The following ERGIC2 variants were observed in gnomAD, a reference collection of about 807,000 sequenced individuals.
ERGIC2 encodes the protein ERGIC and golgi 2.
A neutral mutation model predicts 52.5 loss-of-function variants in ERGIC2; 31 were observed. The observed-to-expected ratio is 0.59, with a 90% CI of 0.44 to 0.80. ERGIC2 has a LOEUF of 0.80. ERGIC2 is among the 30% of genes least tolerant of loss of function. The probability of loss-of-function intolerance (pLI) is 0.00; values close to 1 mark genes in which losing one functional copy is unlikely to be tolerated. For synonymous variants in ERGIC2, 129 were observed against 140.6 expected (o/e 0.92, Z 0.58); for missense variants, 395 against 455.2 (o/e 0.87, Z 1.20).
chr12:29,375,291 C>T (rs181480841), intron 1 of ERGIC2, among the ~76,000 whole-genome samples: 3 of 152,226 alleles, frequency 2.0e-5, no homozygotes, highest in East Asian at 1.9e-4. Context: ...TTTCCTCCAC[C>T]GGATTGTTAG....
intron 9 of ERGIC2, 138 bp downstream of exon 9, chr12:29,349,875 T>C (rs1188689972): frequency 3.4e-6 from 2 of 582,866 alleles, no homozygotes; most frequent in Admixed American, 6.3e-5. Context: ...TTAAAGTAAA[T>C]CAATTTAAAA....
At chr12:29,351,671 T>G (rs1380183678) in intron 8 of ERGIC2, among the ~76,000 whole-genome samples, 1 of 152,144 alleles carries the variant, frequency 6.6e-6, no homozygotes, top group Non-Finnish European at 1.5e-5. Flanking sequence ...CTAAAGCAAA[T>G]TTATTTTTTC....
intron 13 of ERGIC2, 132 bp downstream of exon 13, chr12:29,341,602 G>T: frequency 3.2e-6 from 2 of 622,852 alleles, no homozygotes; most frequent in Admixed American, 2.6e-5. Flanking sequence ...CAAACTCCTG[G>T]GCTCAAGCGA....
intron 3 of ERGIC2, among the ~76,000 whole-genome samples, chr12:29,369,092 C>T (rs978342230): frequency 2.6e-5 from 4 of 151,780 alleles, no homozygotes; most frequent in Non-Finnish European, 4.4e-5. Context: ...GATTTTTAGA[C>T]CTTCATGAAG....
chr12:29,362,658 T>C (rs1349234069), intron 5 of ERGIC2, among the ~76,000 whole-genome samples: 1 of 152,202 alleles, frequency 6.6e-6, no homozygotes, highest in Non-Finnish European at 1.5e-5. Flanking sequence ...GATTTGATTT[T>C]TTAATTTAAT....
At chr12:29,359,684 T>C (rs1460488984) in intron 6 of ERGIC2, among the ~76,000 whole-genome samples, 1 of 151,896 alleles carries the variant, frequency 6.6e-6, no homozygotes, top group Admixed American at 6.6e-5. Context: ...TAATATTCAG[T>C]GCTTTTGTTC....
chr12:29,342,802 C>T (rs1170992293), intron 12 of ERGIC2, among the ~76,000 whole-genome samples: 1 of 152,072 alleles, frequency 6.6e-6, no homozygotes. Context: ...ATTAGAAAAC[C>T]TCAGAAAAGG....
chr12:29,378,841 G>A (rs1160336504), intron 1 of ERGIC2, among the ~76,000 whole-genome samples: 1 of 152,110 alleles, frequency 6.6e-6, no homozygotes, highest in Non-Finnish European at 1.5e-5. Flanking sequence ...CAACTTCTTA[G>A]AATCCTCTCT....
At chr12:29,378,326 A>T (rs1296628743) in intron 1 of ERGIC2, among the ~76,000 whole-genome samples, 2 of 152,186 alleles carry the variant, frequency 1.3e-5, no homozygotes, top group African/African-American at 4.8e-5. Flanking sequence ...AGTCTTGCTG[A>T]CACCTTGATT....
At chr12:29,352,422 G>T (rs1940145468) in intron 8 of ERGIC2, among the ~76,000 whole-genome samples, 1 of 152,104 alleles carries the variant, frequency 6.6e-6, no homozygotes. Flanking sequence ...TAGCACTTTG[G>T]GAGGCCAAGG....
chr12:29,370,743 T>C (rs901366413), intron 2 of ERGIC2, among the ~76,000 whole-genome samples: 8 of 151,980 alleles, frequency 5.3e-5, no homozygotes, highest in Admixed American at 4.6e-4. Context: ...ATAATCTGTG[T>C]GCCAGAAACT....
At chr12:29,358,805 G>C (rs1329798540) in intron 6 of ERGIC2, among the ~76,000 whole-genome samples, 1 of 152,032 alleles carries the variant, frequency 6.6e-6, no homozygotes, top group East Asian at 1.9e-4. Context: ...GTACTTTCTA[G>C]ATGTGCAAGC....
rs1013101121 is a variant in ERGIC2 at position 29,343,386 on chromosome 12, A to G, written c.826-104T>C. 6 of 788,894 alleles carry G rather than the reference A, an allele frequency of 7.6e-6. No homozygotes were observed. In the African/African-American group the frequency reaches 1.0e-4, roughly 14 times the overall value. The allele number at this position is 788,894 out of a possible 1,614,324, so 48.9% of individuals were successfully genotyped here. On this transcript the variant is annotated intron_variant, in intron 11 of 13. Coordinates refer to ENST00000360150, the MANE Select transcript of ERGIC2 (RefSeq NM_016570.3). ...ATTCAATATTAAGCCCTGAAGCCCT[A>G]CTGTAAAAGAAGGACATCCACATTT...
chr12:29,353,385 G>T (rs1940159406), intron 8 of ERGIC2, among the ~76,000 whole-genome samples: 1 of 152,072 alleles, frequency 6.6e-6, no homozygotes, highest in Admixed American at 6.5e-5. Flanking sequence ...AAACAACAAA[G>T]TTTTTCTGAA....
intron 2 of ERGIC2, 48 bp downstream of exon 2, chr12:29,371,480 G>A (rs375487790): frequency 1.8e-5 from 22 of 1,201,946 alleles, no homozygotes; most frequent in Middle Eastern, 2.0e-4. Context: ...ACTGGATCAC[G>A]CAGAAGTTGT....
chr12:29,357,435 T>G (rs1940223524), intron 7 of ERGIC2, among the ~76,000 whole-genome samples, 188 bp downstream of exon 7: 2 of 152,200 alleles, frequency 1.3e-5, no homozygotes, highest in South Asian at 2.1e-4. Flanking sequence ...AAATAAATAT[T>G]TGTGATAATT....
At chr12:29,378,157 C>A (rs1940539143) in intron 1 of ERGIC2, among the ~76,000 whole-genome samples, 3 of 152,104 alleles carry the variant, frequency 2.0e-5, no homozygotes, top group African/African-American at 7.2e-5. Flanking sequence ...GACTGGTGTC[C>A]TTTTAAGAAG....
chr12:29,337,634 C>A lies in ERGIC2; in HGVS notation c.*3522G>T, dbSNP rs1565532787. On this transcript the variant is annotated 3_prime_UTR_variant, in exon 14 of 14. Coordinates refer to ENST00000360150, the MANE Select transcript of ERGIC2 (RefSeq NM_016570.3). ...TGATTGTGTTGAAAAAGGGCTACCA[C>A]CTTGGCTTGCTGAAGGTTTGCTAGA... 6.6e-6 allele frequency: 1 copy of A among 152,072 alleles called. No homozygotes were observed. Among genetic ancestry groups the A allele is most frequent in the Non-Finnish European group, 1.5e-5 (1 of 68,036 alleles). The allele number at this position is 152,072 out of a possible 1,614,324, so 9.4% of individuals were successfully genotyped here.
intron 1 of ERGIC2, among the ~76,000 whole-genome samples, chr12:29,379,185 C>G (rs1320387919): frequency 6.6e-6 from 1 of 152,036 alleles, no homozygotes; most frequent in Non-Finnish European, 1.5e-5. Context: ...ACTATAGTAG[C>G]TCTCAATAAA....
Sources: gnomAD v4.1 joint callset for allele counts (sites outside exome capture counted in the v4.1 genomes callset) on GRCh38, gnomAD v4.1.1 for gene constraint, MANE v1.5 for transcripts, NCBI Gene and HGNC (gene_info 2026-07-23, HGNC 2026-07-21) for gene names.